OSBPL5: variants seen among roughly 807,000 people sequenced by gnomAD.
OSBPL5 encodes oxysterol binding protein like 5, also known as oxysterol-binding protein-related protein 5.
Under a neutral mutation model 111.2 loss-of-function variants are expected in OSBPL5, and 71 were observed. The observed-to-expected ratio is 0.64, with a 90% CI of 0.53 to 0.78. OSBPL5 has a LOEUF of 0.78. Among genes scored for constraint, OSBPL5 ranks in the 30% least tolerant of loss-of-function variants. The probability of loss-of-function intolerance (pLI) is 0.00; values close to 1 mark genes in which losing one functional copy is unlikely to be tolerated. For missense variants in OSBPL5, 1,210 were observed against 1,189.3 expected (o/e 1.02, Z -0.26); for synonymous variants, 549 against 513.9 (o/e 1.07, Z -0.93).
At chr11:3,158,076 C>T (rs1287346586) in intron 1 of OSBPL5, among the ~76,000 whole-genome samples, 3 of 152,244 alleles carry the variant, frequency 2.0e-5, no homozygotes, top group African/African-American at 7.2e-5. Context: ...TGTCCCGAAG[C>T]GGCCTCAGCC....
rs1846682872 is a variant in OSBPL5 at position 3,154,269 on chromosome 11, C to G, written c.-22+10947G>C. 6.6e-6 allele frequency among the ~76,000 whole-genome samples: 1 copy of G among 152,244 alleles called. No homozygotes were observed. Among genetic ancestry groups the G allele is most frequent in the African/African-American group, 2.4e-5 (1 of 41,472 alleles). On this transcript the variant is annotated intron_variant, in intron 1 of 21. Coordinates refer to ENST00000263650, the MANE Select transcript of OSBPL5 (RefSeq NM_020896.4). This position sits in a 1 kb window ranked among gnomAD's most constrained non-coding sequence, Gnocchi z 4.9. The stretch of plus-strand genomic sequence containing the variant: ...GAGAGCACGGCCCTGCGTGCAGCAC[C>G]TGCCAGTAGGTAGCAGGATGTGTCG...
intron 1 of OSBPL5, among the ~76,000 whole-genome samples, chr11:3,150,306 T>TC (rs1846537463): frequency 1.3e-5 from 2 of 152,044 alleles, no homozygotes; most frequent in African/African-American, 4.8e-5. Context: ...GACAGCTTTT[T>TC]TTAAAAAAAA....
chr11:3,134,285 A>C (rs914370341), intron 1 of OSBPL5, among the ~76,000 whole-genome samples: 31 of 152,200 alleles, frequency 2.0e-4, no homozygotes, highest in Admixed American at 2.0e-3. Flanking sequence ...TGTGTTTGCC[A>C]CTGTAGCCAT....
At chr11:3,127,668 T>C (rs888419403) in intron 2 of OSBPL5, among the ~76,000 whole-genome samples, 1 of 152,238 alleles carries the variant, frequency 6.6e-6, no homozygotes, top group Non-Finnish European at 1.5e-5. Flanking sequence ...CATATAGTTC[T>C]AGGGGCTTGG....
chr11:3,122,009 A>C lies in OSBPL5; in HGVS notation c.390T>G (p.Ala130=). The change falls in exon 5 of 22, where the codon GCT becomes GCG. Residue 130 remains alanine, a synonymous_variant. Coordinates refer to ENST00000263650, the MANE Select transcript of OSBPL5 (RefSeq NM_020896.4). The part of the protein sequence containing the change: ...ALTDPSVVIM[A]DSLKIRGTLK... ...GGGCATCACCTACCTTCAGGCTGTCAGCCATGATGACCACGCTGGGGTCTG... is the reference window on the plus strand; with the variant it reads ...GGGCATCACCTACCTTCAGGCTGTCCGCCATGATGACCACGCTGGGGTCTG... The C allele has an allele frequency of 6.4e-7, 1 of 1,570,508 alleles. No individual in the cohort carries two copies. Among genetic ancestry groups the C allele is most frequent in the Non-Finnish European group, 8.6e-7 (1 of 1,162,102 alleles).
rs1456876935 is a variant in OSBPL5 at position 3,087,900 on chromosome 11, G to A, written c.*305C>T. ...ATCCATCCATCCCCCATGGCAAGTGGAGGCCGGACAGGGGGTGACACGGCA... is the reference window on the plus strand; with the variant it reads ...ATCCATCCATCCCCCATGGCAAGTGAAGGCCGGACAGGGGGTGACACGGCA... On this transcript the variant is annotated 3_prime_UTR_variant, in exon 22 of 22. Transcript: ENST00000263650. 8.1e-6 allele frequency: 2 copies of A among 247,018 alleles called. No individual in the cohort carries two copies. The highest frequency in any genetic ancestry group is 1.5e-5 in the Non-Finnish European group (2 of 129,952). 15.3% of individuals were successfully genotyped at this position (247,018 alleles called of 1,614,324 possible).
At chr11:3,131,171 G>A (rs1035655212) in intron 1 of OSBPL5, among the ~76,000 whole-genome samples, 1 of 152,108 alleles carries the variant, frequency 6.6e-6, no homozygotes, top group Non-Finnish European at 1.5e-5. Flanking sequence ...GGGGATCTTG[G>A]TACCTTTCTG....
At chr11:3,097,841 C>T (rs962582947) in intron 14 of OSBPL5, among the ~76,000 whole-genome samples, 3 of 152,078 alleles carry the variant, frequency 2.0e-5, no homozygotes, top group Admixed American at 1.3e-4. Context: ...CCGAGGCAGG[C>T]GGATCACCCG....
chr11:3,089,770 C>T (rs1796395766), intron 21 of OSBPL5, 76 bp downstream of exon 21: 7 of 1,413,086 alleles, frequency 5.0e-6, no homozygotes, highest in Non-Finnish European at 6.8e-6. Context: ...GGCCTCCCCA[C>T]CTCCCGCCCT....
At position 3,113,717 on chromosome 11, in the gene OSBPL5, C is replaced by T. The variant is rs1419005056; in HGVS notation, c.692-5772G>A. Among the ~76,000 whole-genome samples, 1 of 152,094 alleles carries T rather than the reference C, an allele frequency of 6.6e-6. No homozygotes were observed. The highest frequency in any genetic ancestry group is 1.5e-5 in the Non-Finnish European group (1 of 68,018). ...CTACATCTTAAATTTAGTAAGATTA[C>T]CATAACTTCTAATCTGGTGGCTTTA... On this transcript the variant is annotated intron_variant, in intron 7 of 21. Coordinates refer to ENST00000263650, the MANE Select transcript of OSBPL5 (RefSeq NM_020896.4). This position sits in a 1 kb window ranked among gnomAD's most constrained non-coding sequence, Gnocchi z 4.8.
At chr11:3,111,892 A>C (rs2134435082) in intron 7 of OSBPL5, among the ~76,000 whole-genome samples, 1 of 152,316 alleles carries the variant, frequency 6.6e-6, no homozygotes, top group South Asian at 2.1e-4. Flanking sequence ...GAGATTTAAA[A>C]AGATTTTTTC....
At chr11:3,103,819 C>CCGCCCCCTTCCTGCCTCT (rs1564830449) in intron 10 of OSBPL5, among the ~76,000 whole-genome samples, 7 of 44,010 alleles carry the variant, frequency 1.6e-4, no homozygotes, top group African/African-American at 3.7e-4. Context: ...TTCCTGCCTG[C>CCGCCCCCTTCCTGCCTCT]GCAGCCCCCT....
intron 10 of OSBPL5, among the ~76,000 whole-genome samples, chr11:3,103,744 A>AGTCCCTTCCTGCCTCTGTT (rs200845515): frequency 2.2e-5 from 1 of 46,280 alleles, no homozygotes; most frequent in Non-Finnish European, 5.0e-5. Flanking sequence ...CTGCCTCTGC[A>AGTCCCTTCCTGCCTCTGTT]ACCCTCTTCC....
At chr11:3,116,956 G>A (rs1858234017) in intron 7 of OSBPL5, among the ~76,000 whole-genome samples, 1 of 151,572 alleles carries the variant, frequency 6.6e-6, no homozygotes, top group Non-Finnish European at 1.5e-5. Flanking sequence ...AAAACTTTAA[G>A]CTATTTACAG....
intron 1 of OSBPL5, chr11:3,164,560 C>T (rs535381947): frequency 6.5e-6 from 1 of 152,674 alleles, no homozygotes; most frequent in East Asian, 1.9e-4. Flanking sequence ...GTGCACAAGA[C>T]CCTCTTGAGG....
At chr11:3,150,283 C>G (rs895561) in intron 1 of OSBPL5, among the ~76,000 whole-genome samples, 2 of 152,144 alleles carry the variant, frequency 1.3e-5, no homozygotes, top group Non-Finnish European at 2.9e-5. Flanking sequence ...TTTTCTCCCC[C>G]TCACTTTTTA....
chr11:3,088,280 C>G lies in OSBPL5; in HGVS notation c.2565G>C (p.Leu855=), dbSNP rs555767763. ...GCAGGAACCAGGATCGGGGGCTCTGCAGGAGGCCTGGGGTCGGTGCCTGTG... is the reference window on the plus strand; with the variant it reads ...GCAGGAACCAGGATCGGGGGCTCTGGAGGAGGCCTGGGGTCGGTGCCTGTG... ...RAAQAPTPGL[L]QSPRSWFLLC... The change falls in exon 22 of 22, where the codon CTG becomes CTC. Residue 855 remains leucine (L), a synonymous_variant. Transcript: ENST00000263650. The G allele has an allele frequency of 6.2e-7, 1 of 1,608,220 alleles. No homozygotes were observed. Among genetic ancestry groups the G allele is most frequent in the African/African-American group, 1.3e-5 (1 of 74,920 alleles).
intron 1 of OSBPL5, chr11:3,164,214 G>A (rs1847045488): frequency 6.6e-6 from 1 of 152,412 alleles, no homozygotes; most frequent in Non-Finnish European, 1.5e-5. Context: ...ACACACAGAG[G>A]GGAGCAAGTT....
intron 6 of OSBPL5, chr11:3,120,056 G>T: frequency 2.3e-6 from 1 of 439,416 alleles, no homozygotes; most frequent in Non-Finnish European, 4.1e-6. Flanking sequence ...GGTGTTCAGG[G>T]TTTCTCTGGT....
Sources: gnomAD v4.1 joint callset for allele counts (sites outside exome capture counted in the v4.1 genomes callset) on GRCh38, gnomAD v4.1.1 for gene constraint, Gnocchi (gnomAD v3.1) non-coding constraint, MANE v1.5 for transcripts, NCBI Gene and HGNC (gene_info 2026-07-23, HGNC 2026-07-21) for gene names.